Variants in EPHB1 observed in about 807,000 individuals in gnomAD.
EPHB1 encodes the protein ephrin type-B receptor 1.
In EPHB1, 30 loss-of-function variants were observed where a neutral mutation model predicts 94.4. That is an observed-to-expected ratio of 0.32 (90% confidence interval 0.24 to 0.43). The LOEUF (loss-of-function observed/expected upper bound fraction) is 0.43, where lower values mean the gene tolerates loss of function less well. Among genes scored for constraint, EPHB1 ranks in the 20% least tolerant of loss-of-function variants. EPHB1 has a pLI of 1.00. For missense variants in EPHB1, 1,055 were observed against 1,308.3 expected (o/e 0.81, Z 2.99); for synonymous variants, 522 against 489.1 (o/e 1.07, Z -0.89).
chr3:135,164,159 T>C (rs1941585662), intron 7 of EPHB1, among the ~76,000 whole-genome samples: 1 of 152,238 alleles, frequency 6.6e-6, no homozygotes, highest in Non-Finnish European at 1.5e-5. Flanking sequence ...CCTGTGTATT[T>C]TTCTATCGCC....
At chr3:135,176,570 G>A (rs913902379) in intron 9 of EPHB1, among the ~76,000 whole-genome samples, 2 of 152,166 alleles carry the variant, frequency 1.3e-5, no homozygotes, top group African/African-American at 4.8e-5. Flanking sequence ...AGCTAGCAAA[G>A]CAGCACACCT....
At chr3:134,905,991 A>G (rs2038316003) in intron 1 of EPHB1, among the ~76,000 whole-genome samples, 1 of 152,168 alleles carries the variant, frequency 6.6e-6, no homozygotes, top group Admixed American at 6.5e-5. Context: ...TGGTTTCCAT[A>G]AGATCAGAGG....
chr3:134,919,615 T>G (rs2038638704), intron 1 of EPHB1, among the ~76,000 whole-genome samples: 1 of 152,060 alleles, frequency 6.6e-6, no homozygotes, highest in African/African-American at 2.4e-5. Context: ...GTAGACACCC[T>G]GAGGAGCCAT....
At chr3:134,952,736 A>G (rs16842351) in intron 3 of EPHB1, among the ~76,000 whole-genome samples, 4,168 of 152,186 alleles carry the variant, frequency 0.027, 143 homozygotes, top group African/African-American at 0.082. Context: ...TTGCAGTTTG[A>G]AAATGTCAGG....
chr3:135,245,364 A>G (rs920719810), intron 13 of EPHB1, among the ~76,000 whole-genome samples: 1 of 152,178 alleles, frequency 6.6e-6, no homozygotes, highest in African/African-American at 2.4e-5. Flanking sequence ...TGCACTATGT[A>G]GTACTATCAC....
intron 3 of EPHB1, among the ~76,000 whole-genome samples, chr3:134,968,448 A>G (rs1933845921): frequency 6.6e-6 from 1 of 152,328 alleles, no homozygotes; most frequent in East Asian, 1.9e-4. Flanking sequence ...TTTAAAGTAA[A>G]TTCCCTGAAG....
At chr3:134,908,549 C>T (rs1333005867) in intron 1 of EPHB1, among the ~76,000 whole-genome samples, 1 of 152,258 alleles carries the variant, frequency 6.6e-6, no homozygotes, top group Non-Finnish European at 1.5e-5. Context: ...TCTGGCCCAA[C>T]TCTCCACAGA....
intron 12 of EPHB1, among the ~76,000 whole-genome samples, chr3:135,231,084 T>C (rs187301978): frequency 6.6e-6 from 1 of 152,314 alleles, no homozygotes; most frequent in Non-Finnish European, 1.5e-5. Flanking sequence ...CTGGACAGTG[T>C]CCTCCTCAGG....
rs1939231778 is a variant in EPHB1, at chr3:135,106,660, G to T, written c.961+57G>T. 5 of 1,601,458 alleles carry T rather than the reference G, an allele frequency of 3.1e-6. No individual in the cohort carries two copies. In the Admixed American group the frequency reaches 5.0e-5, roughly 16 times the overall value. On this transcript the variant is annotated intron_variant, in intron 4 of 15. Transcript: ENST00000398015. ...AGTTTGGTTCCCTGATGGTGCAAGT[G>T]GTGGGTCTGGGGCAAGGAAGAGAAG...
intron 3 of EPHB1, among the ~76,000 whole-genome samples, chr3:134,979,935 C>T (rs36117): frequency 1.3e-5 from 2 of 151,996 alleles, no homozygotes; most frequent in Non-Finnish European, 2.9e-5. Context: ...TGTTACTTTG[C>T]GGCCCAAATG....
At chr3:135,089,622 G>A (rs138106735) in intron 3 of EPHB1, among the ~76,000 whole-genome samples, 41 of 152,272 alleles carry the variant, frequency 2.7e-4, no homozygotes, top group Admixed American at 7.2e-4. Context: ...TGGCCTGACC[G>A]TAAAGCCTGA....
chr3:134,821,966 A>T (rs571227688), intron 1 of EPHB1, among the ~76,000 whole-genome samples: 1 of 152,328 alleles, frequency 6.6e-6, no homozygotes, highest in African/African-American at 2.4e-5. Flanking sequence ...GGACAGTTTC[A>T]TCCAGGAGAA....
chr3:135,031,190 C>A (rs6782135), intron 3 of EPHB1, among the ~76,000 whole-genome samples: 2 of 152,290 alleles, frequency 1.3e-5, no homozygotes, highest in South Asian at 4.1e-4. Context: ...TCTTCTGTGT[C>A]GTCAGGCTGA....
rs917617064 is a variant in EPHB1, at chr3:135,208,376, A to T, written c.2346+6687A>T. 4.0e-5 allele frequency among the ~76,000 whole-genome samples: 6 copies of T among 151,820 alleles called. No homozygotes were observed. In the East Asian group the frequency reaches 1.2e-3, roughly 29 times the overall value. ...GAGAGATGCACACGTGTGGCCCGAAAGTGATGGATTTGAATTTTAGAAAAA... is the reference window on the plus strand; with the variant it reads ...GAGAGATGCACACGTGTGGCCCGAATGTGATGGATTTGAATTTTAGAAAAA... On this transcript the variant is annotated intron_variant, in intron 12 of 15. Transcript: ENST00000398015.
intron 15 of EPHB1, among the ~76,000 whole-genome samples, chr3:135,253,167 G>A (rs1933205048): frequency 6.7e-6 from 1 of 149,844 alleles, no homozygotes; most frequent in African/African-American, 2.4e-5. Context: ...TAGGTTGCCT[G>A]TTCACTCTGA....
intron 3 of EPHB1, among the ~76,000 whole-genome samples, chr3:135,101,757 C>T (rs1477810689): frequency 1.3e-5 from 2 of 152,152 alleles, no homozygotes; most frequent in Non-Finnish European, 2.9e-5. Context: ...TTACAAATTA[C>T]AAGCTAAAAG....
chr3:134,859,691 A>G (rs1254467174), intron 1 of EPHB1, among the ~76,000 whole-genome samples: 1 of 152,100 alleles, frequency 6.6e-6, no homozygotes, highest in Non-Finnish European at 1.5e-5. Context: ...AATTTCTCCT[A>G]CCCAAGAGCA....
At chr3:134,853,339 A>G (rs1418580963) in intron 1 of EPHB1, among the ~76,000 whole-genome samples, 1 of 152,180 alleles carries the variant, frequency 6.6e-6, no homozygotes, top group African/African-American at 2.4e-5. Flanking sequence ...GAGACTCCTC[A>G]GGGCATGTAG....
intron 3 of EPHB1, among the ~76,000 whole-genome samples, chr3:135,042,966 C>T (rs549630871): frequency 4.2e-4 from 64 of 152,214 alleles, no homozygotes; most frequent in African/African-American, 1.5e-3. Context: ...CTCAGTCTCC[C>T]GAGTAGCTGG....
Sources: allele counts gnomAD v4.1 joint callset (sites outside exome capture counted in the v4.1 genomes callset), GRCh38; gene constraint gnomAD v4.1.1; transcripts MANE v1.5; gene names NCBI Gene and HGNC (gene_info 2026-07-23, HGNC 2026-07-21).